Variants in LSAMP observed in about 807,000 individuals in gnomAD.
LSAMP encodes limbic system associated membrane protein, also known as limbic system-associated membrane protein.
Under a neutral mutation model 38.6 loss-of-function variants are expected in LSAMP, and 7 were observed. The observed-to-expected ratio is 0.18, with a 90% CI of 0.10 to 0.34. LSAMP has a LOEUF of 0.34. Among genes scored for constraint, LSAMP ranks in the 10% least tolerant of loss-of-function variants. The pLI is 1.00. For missense variants in LSAMP, 313 were observed against 420.0 expected (o/e 0.75, Z 2.23); for synonymous variants, 154 against 166.8 (o/e 0.92, Z 0.59).
At chr3:116,319,365 C>CAGTAGTATCTTGTATACAGATA (rs1257778787) in intron 1 of LSAMP, among the ~76,000 whole-genome samples, 1 of 152,146 alleles carries the variant, frequency 6.6e-6, no homozygotes, top group Non-Finnish European at 1.5e-5. Flanking sequence ...ATTCCCCATT[C>CAGTAGTATCTTGTATACAGATA]AGTAGTATCT....
intron 1 of LSAMP, among the ~76,000 whole-genome samples, chr3:116,254,194 T>G (rs962446549): frequency 1.3e-5 from 2 of 152,140 alleles, no homozygotes; most frequent in Admixed American, 6.6e-5. Flanking sequence ...AATGATCTGT[T>G]GATTAAAAAA....
chr3:116,320,427 GTAATAA>G (rs963680967), intron 1 of LSAMP, among the ~76,000 whole-genome samples: 2 of 151,064 alleles, frequency 1.3e-5, no homozygotes, highest in African/African-American at 4.9e-5. Context: ...AATAATAATA[GTAATAA>G]TAATAATAAT....
At chr3:116,048,391 A>G (rs1941332718) in intron 2 of LSAMP, among the ~76,000 whole-genome samples, 1 of 152,204 alleles carries the variant, frequency 6.6e-6, no homozygotes, top group Non-Finnish European at 1.5e-5. Flanking sequence ...CTAAGTAATG[A>G]TTAGTTATAT....
At chr3:115,937,951 C>T (rs1937766116) in intron 3 of LSAMP, among the ~76,000 whole-genome samples, 1 of 152,032 alleles carries the variant, frequency 6.6e-6, no homozygotes, top group Admixed American at 6.6e-5. Flanking sequence ...ATTGTGTGGA[C>T]TGTTGAAATA....
chr3:116,340,719 A>T (rs951533080), intron 1 of LSAMP, among the ~76,000 whole-genome samples: 2 of 152,038 alleles, frequency 1.3e-5, no homozygotes, highest in African/African-American at 4.8e-5. Context: ...CACACAGCCT[A>T]CAAACAATAC....
At chr3:116,437,124 G>A (rs2049363651) in intron 1 of LSAMP, among the ~76,000 whole-genome samples, 1 of 151,776 alleles carries the variant, frequency 6.6e-6, no homozygotes, top group Non-Finnish European at 1.5e-5. Context: ...ACCTGGATGA[G>A]ACTGGAGACT....
chr3:116,085,949 T>C (rs1707979761), intron 2 of LSAMP, among the ~76,000 whole-genome samples: 1 of 152,216 alleles, frequency 6.6e-6, no homozygotes. Context: ...CAAACTTTCT[T>C]AAACTCAGCA....
At position 116,020,702 on chromosome 3, in the gene LSAMP, A is replaced by C. The variant is rs150152298; in HGVS notation, c.389-1062T>G. ...CATTAGATCACACGTCGGTAGGCTT[A>C]AGTGGGGAGTGAATTACTCACAAAT... On this transcript the variant is annotated intron_variant, in intron 2 of 6. Transcript: ENST00000490035. Among the ~76,000 whole-genome samples the C allele has an allele frequency of 4.5e-3, 687 of 152,324 alleles. 8 individuals carry two copies. Among genetic ancestry groups the C allele is most frequent in the African/African-American group, 0.016 (656 of 41,582 alleles).
chr3:116,420,903 G>A (rs1267025395), intron 1 of LSAMP, among the ~76,000 whole-genome samples: 1 of 151,966 alleles, frequency 6.6e-6, no homozygotes, highest in African/African-American at 2.4e-5. Flanking sequence ...AAATAAATTG[G>A]CAAAGATGCC....
intron 2 of LSAMP, among the ~76,000 whole-genome samples, chr3:116,028,389 C>T (rs1052839693): frequency 6.6e-6 from 1 of 152,096 alleles, no homozygotes; most frequent in African/African-American, 2.4e-5. Flanking sequence ...TGTGATCCTG[C>T]CCAGCCACTA....
At position 115,803,474 on chromosome 3, in the gene LSAMP, T is replaced by C. The variant is rs1256373604; in HGVS notation, c.*6843A>G. On this transcript the variant is annotated 3_prime_UTR_variant, in exon 7 of 7. Coordinates refer to ENST00000490035, the MANE Select transcript of LSAMP (RefSeq NM_002338.5). ...GCATCTAGAACATGGCACAAGAAAA[T>C]AATTCCTTATTAATTGCTTGAGAAA... 6.6e-6 allele frequency: 1 copy of C among 152,102 alleles called. No individual in the cohort carries two copies. The highest frequency in any genetic ancestry group is 1.9e-4 in the East Asian group (1 of 5,186). The allele number at this position is 152,102 out of a possible 1,614,324, so 9.4% of individuals were successfully genotyped here.
chr3:116,326,635 G>A (rs762915987), intron 1 of LSAMP, among the ~76,000 whole-genome samples: 2 of 152,148 alleles, frequency 1.3e-5, no homozygotes, highest in African/African-American at 2.4e-5. Flanking sequence ...CCTCAGCCAT[G>A]TGACTTTCCA....
chr3:116,390,735 G>A (rs930869331), intron 1 of LSAMP, among the ~76,000 whole-genome samples: 11 of 83,290 alleles, frequency 1.3e-4, no homozygotes, highest in South Asian at 1.2e-3. Context: ...GTGAGACTCC[G>A]CCTCAAAAAA....
intron 1 of LSAMP, among the ~76,000 whole-genome samples, chr3:116,295,193 G>A (rs189130340): frequency 2.0e-5 from 3 of 152,232 alleles, no homozygotes; most frequent in African/African-American, 7.2e-5. Context: ...CTACTCGAGG[G>A]GGAATCATAC....
chr3:115,815,786 T>C (rs1262158993), intron 6 of LSAMP, among the ~76,000 whole-genome samples: 1 of 152,210 alleles, frequency 6.6e-6, no homozygotes, highest in Non-Finnish European at 1.5e-5. Flanking sequence ...TTATGCCTTC[T>C]TGAAGGCCTC....
chr3:116,190,437 CT>C (rs553912596), intron 1 of LSAMP, among the ~76,000 whole-genome samples: 192 of 146,360 alleles, frequency 1.3e-3, no homozygotes, highest in South Asian at 0.011. Flanking sequence ...ACACTTAAGA[CT>C]TTTTTTTTTT....
At chr3:115,870,458 G>C (rs1433364592) in intron 3 of LSAMP, among the ~76,000 whole-genome samples, 1 of 152,052 alleles carries the variant, frequency 6.6e-6, no homozygotes, top group East Asian at 1.9e-4. Context: ...TACATTTTTA[G>C]CTCTTCCTAA....
chr3:116,272,388 T>TTTGA, intron 1 of LSAMP, among the ~76,000 whole-genome samples: 1 of 152,250 alleles, frequency 6.6e-6, no homozygotes, highest in East Asian at 1.9e-4. Flanking sequence ...TCATTCATTG[T>TTTGA]TTGATAGAAA....
At chr3:116,385,379 G>A (rs2048612438) in intron 1 of LSAMP, among the ~76,000 whole-genome samples, 1 of 152,120 alleles carries the variant, frequency 6.6e-6, no homozygotes, top group South Asian at 2.1e-4. Context: ...TACATAAGCT[G>A]ACTTCAGCCA....
Sources: gnomAD v4.1 joint callset for allele counts (sites outside exome capture counted in the v4.1 genomes callset) on GRCh38, gnomAD v4.1.1 for gene constraint, MANE v1.5 for transcripts, NCBI Gene and HGNC (gene_info 2026-07-23, HGNC 2026-07-21) for gene names.